HS2ST1: variants seen among roughly 807,000 people sequenced by gnomAD.
The protein encoded by HS2ST1 is heparan sulfate 2-O-sulfotransferase 1, also known as 2-O-sulfotransferase.
Under a neutral mutation model 42.9 loss-of-function variants are expected in HS2ST1, and 18 were observed. The observed-to-expected ratio is 0.42, with a 90% confidence interval of 0.29 to 0.62. HS2ST1 has a LOEUF of 0.62. Ranked by LOEUF, HS2ST1 falls within the 20% of genes least tolerant of loss-of-function variation. HS2ST1 has a pLI of 0.21. For missense variants in HS2ST1, 334 were observed against 433.8 expected, an observed-to-expected ratio of 0.77 and a Z score of 2.04; for synonymous variants, 146 against 152.9, an observed-to-expected ratio of 0.95 and a Z score of 0.33.
intron 1 of HS2ST1, among the ~76,000 whole-genome samples, chr1:87,022,031 T>A (rs1007450704): frequency 3.3e-5 from 5 of 152,216 alleles, no homozygotes; most frequent in Admixed American, 1.3e-4. Flanking sequence ...GTATACTGTT[T>A]TGACCCAGAA....
At chr1:86,977,708 G>A (rs1200994331) in intron 1 of HS2ST1, among the ~76,000 whole-genome samples, 1 of 152,188 alleles carries the variant, frequency 6.6e-6, no homozygotes, top group Non-Finnish European at 1.5e-5. Flanking sequence ...AAATTTATCA[G>A]GTCTTCTTTC....
chr1:87,082,046 GC>G (rs1651705308), intron 2 of HS2ST1, among the ~76,000 whole-genome samples: 1 of 151,446 alleles, frequency 6.6e-6, no homozygotes, highest in Non-Finnish European at 1.5e-5. Flanking sequence ...GAAACTTTTA[GC>G]CCAGGATAAA....
At chr1:86,990,661 G>C (rs1192793627) in intron 1 of HS2ST1, among the ~76,000 whole-genome samples, 2 of 145,236 alleles carry the variant, frequency 1.4e-5, no homozygotes, top group African/African-American at 5.1e-5. Context: ...CTTTTTTTTT[G>C]AAACGGAGTT....
intron 1 of HS2ST1, among the ~76,000 whole-genome samples, chr1:87,014,536 A>T (rs1014027942): frequency 3.3e-5 from 5 of 152,252 alleles, no homozygotes; most frequent in Non-Finnish European, 7.3e-5. Context: ...GAAATTTTAG[A>T]ACAGCTATAT....
intron 1 of HS2ST1, chr1:86,934,782 G>C (rs547112136): frequency 6.6e-6 from 1 of 152,046 alleles, no homozygotes; most frequent in African/African-American, 2.4e-5. Flanking sequence ...AAAAAAATTA[G>C]CTGGGCGTGG....
intron 1 of HS2ST1, among the ~76,000 whole-genome samples, chr1:86,932,761 A>G (rs1364000055): frequency 6.6e-6 from 1 of 152,190 alleles, no homozygotes; most frequent in African/African-American, 2.4e-5. Flanking sequence ...ACAGCAATCC[A>G]GGTTAGGTTA....
intron 1 of HS2ST1, among the ~76,000 whole-genome samples, chr1:86,924,021 G>A (rs1167987884): frequency 1.3e-5 from 2 of 152,202 alleles, no homozygotes. Context: ...CTGCCTATGA[G>A]CCTGTAAAAT....
intron 1 of HS2ST1, chr1:87,046,121 T>A: frequency 2.9e-6 from 2 of 689,918 alleles, no homozygotes; most frequent in Non-Finnish European, 5.5e-6. Context: ...TTATATTGGT[T>A]ATGAATGCTT....
chr1:87,083,882 C>A (rs961535081), intron 2 of HS2ST1, among the ~76,000 whole-genome samples: 5 of 152,036 alleles, frequency 3.3e-5, no homozygotes, highest in Non-Finnish European at 5.9e-5. Context: ...GGTGTAGATA[C>A]ATACACCCCC....
intron 1 of HS2ST1, among the ~76,000 whole-genome samples, chr1:87,012,026 C>G (rs1008987740): frequency 6.6e-6 from 1 of 152,162 alleles, no homozygotes; most frequent in Non-Finnish European, 1.5e-5. Context: ...TGCATTGATT[C>G]ATAATTAATT....
At chr1:86,974,124 T>C (rs1466778826) in intron 1 of HS2ST1, among the ~76,000 whole-genome samples, 1 of 151,962 alleles carries the variant, frequency 6.6e-6, no homozygotes, top group Non-Finnish European at 1.5e-5. Context: ...GATAGTAGAG[T>C]CTTTTGTTCT....
At chr1:86,962,890 A>G (rs1410933904) in intron 1 of HS2ST1, among the ~76,000 whole-genome samples, 12 of 152,214 alleles carry the variant, frequency 7.9e-5, no homozygotes, top group Admixed American at 7.9e-4. Context: ...TAAAGTCAGT[A>G]AGTTCCATAA....
intron 1 of HS2ST1, among the ~76,000 whole-genome samples, chr1:86,918,433 C>T (rs930857765): frequency 4.6e-5 from 7 of 151,870 alleles, no homozygotes; most frequent in East Asian, 1.9e-4. Flanking sequence ...AGCCATTATT[C>T]TAGTAACGGA....
intron 1 of HS2ST1, among the ~76,000 whole-genome samples, chr1:87,012,607 C>G (rs183294704): frequency 6.6e-6 from 1 of 152,174 alleles, no homozygotes; most frequent in Admixed American, 6.5e-5. Context: ...TGCCCCTGGC[C>G]CCTCCCAAAT....
chr1:86,967,125 A>G (rs888624457), intron 1 of HS2ST1, among the ~76,000 whole-genome samples: 3 of 152,238 alleles, frequency 2.0e-5, no homozygotes, highest in South Asian at 4.1e-4. Context: ...TCCTGACCTC[A>G]GGTGATCTGC....
intron 1 of HS2ST1, among the ~76,000 whole-genome samples, chr1:87,041,635 G>A (rs1362260554): frequency 6.6e-6 from 1 of 152,018 alleles, no homozygotes; most frequent in Non-Finnish European, 1.5e-5. Context: ...TCTACTTTCT[G>A]CATCTATGAG....
chr1:87,059,981 AC>A lies in HS2ST1; in HGVS notation c.125-12950del, dbSNP rs773517027. Among the ~76,000 whole-genome samples, 9 of 152,240 alleles carry A rather than the reference AC, an allele frequency of 5.9e-5. No individual in the cohort carries two copies. The East Asian group carries it at 1.3e-3, about 23-fold the overall frequency. ...TTCAGACCTTACAATCCATATAGTA[AC>A]CCATAAATAAGTAAAACCTTTGTAT... On this transcript the variant is annotated intron_variant, in intron 1 of 6. Transcript: ENST00000370550.
intron 1 of HS2ST1, among the ~76,000 whole-genome samples, chr1:87,041,916 A>G (rs1057077908): frequency 6.6e-6 from 1 of 152,204 alleles, no homozygotes; most frequent in Non-Finnish European, 1.5e-5. Context: ...GAGTGCCACT[A>G]TCTCTTAAAG....
At chr1:87,092,152 T>C (rs1651961376) in intron 3 of HS2ST1, among the ~76,000 whole-genome samples, 1 of 152,062 alleles carries the variant, frequency 6.6e-6, no homozygotes, top group African/African-American at 2.4e-5. Context: ...ATTATAAATA[T>C]TAAATTCTTT....
Sources: gnomAD v4.1 joint callset for allele counts (sites outside exome capture counted in the v4.1 genomes callset) on GRCh38, gnomAD v4.1.1 for gene constraint, MANE v1.5 for transcripts, NCBI Gene and HGNC (gene_info 2026-07-23, HGNC 2026-07-21) for gene names.